The following CTNND2 variants were observed in gnomAD, a reference collection of about 807,000 sequenced individuals.
CTNND2 encodes the protein catenin delta 2.
CTNND2 carries 22 observed loss-of-function variants against 144.4 expected under a neutral mutation model. That is an observed-to-expected ratio of 0.15 (90% confidence interval 0.11 to 0.22). The LOEUF (loss-of-function observed/expected upper bound fraction) is 0.22. Ranked by LOEUF, CTNND2 falls within the 10% of genes least tolerant of loss-of-function variation. CTNND2 has a pLI of 1.00. For missense variants in CTNND2, 1,353 were observed against 1,618.8 expected (o/e 0.84, Z 2.82); for synonymous variants, 751 against 695.6 (o/e 1.08, Z -1.25).
chr5:11,565,372 G>A (rs958240484), intron 2 of CTNND2, among the ~76,000 whole-genome samples: 10 of 152,128 alleles, frequency 6.6e-5, no homozygotes, highest in Non-Finnish European at 1.5e-4. Context: ...TTTGGCAGAC[G>A]GTCAGCACCC....
chr5:11,344,397 A>G (rs1754568414), intron 9 of CTNND2, among the ~76,000 whole-genome samples: 1 of 152,132 alleles, frequency 6.6e-6, no homozygotes, highest in Non-Finnish European at 1.5e-5. Context: ...GTCTCAAAAA[A>G]AAAAAAAACA....
At chr5:11,180,103 G>C (rs887350143) in intron 11 of CTNND2, among the ~76,000 whole-genome samples, 1 of 152,154 alleles carries the variant, frequency 6.6e-6, no homozygotes, top group South Asian at 2.1e-4. Flanking sequence ...CATGTGTTGA[G>C]GGAGGGACCT....
chr5:11,075,718 C>T lies in CTNND2; in HGVS notation c.2788+6978G>A, dbSNP rs376453917. Reference sequence around the variant, plus strand: ...ATGCGGTGGCCCCGCCAACAGGAACCTTTGGCAGTGATTGAATCACACACA... The same window carrying T: ...ATGCGGTGGCCCCGCCAACAGGAACTTTTGGCAGTGATTGAATCACACACA... On this transcript the variant is annotated intron_variant, in intron 16 of 21. Transcript: ENST00000304623. Among the ~76,000 whole-genome samples, 23 of 152,382 alleles carry T rather than the reference C, an allele frequency of 1.5e-4. No individual in the cohort carries two copies. In the South Asian group the frequency reaches 4.6e-3, roughly 30 times the overall value.
intron 2 of CTNND2, among the ~76,000 whole-genome samples, chr5:11,625,016 TTTTTGAAAAACTAAACACC>T (rs1322356123): frequency 6.6e-6 from 1 of 152,008 alleles, no homozygotes. Flanking sequence ...AAACAAAGTA[TTTTTGAAAAACTAAACACC>T]CTTCAACAAT....
At chr5:11,086,249 G>A (rs1750128057) in intron 15 of CTNND2, among the ~76,000 whole-genome samples, 1 of 152,108 alleles carries the variant, frequency 6.6e-6, no homozygotes, top group Non-Finnish European at 1.5e-5. Flanking sequence ...GCAGGTGTGG[G>A]CCAAGACAGG....
chr5:11,207,227 G>A lies in CTNND2; in HGVS notation c.1762-7566C>T, dbSNP rs1229498371. ...CAGGGAGGGGAACATCACACACTGGGGCCTGTTGGGGGGTGTGGGGCTTGC... is the reference window on the plus strand; with the variant it reads ...CAGGGAGGGGAACATCACACACTGGAGCCTGTTGGGGGGTGTGGGGCTTGC... On this transcript the variant is annotated intron_variant, in intron 10 of 21. Transcript: ENST00000304623. 2.0e-5 allele frequency among the ~76,000 whole-genome samples: 3 copies of A among 151,988 alleles called. 1 individual carries two copies. Among genetic ancestry groups the A allele is most frequent in the African/African-American group, 7.3e-5 (3 of 41,350 alleles).
intron 2 of CTNND2, among the ~76,000 whole-genome samples, chr5:11,622,242 A>G: frequency 6.6e-6 from 1 of 152,184 alleles, no homozygotes; most frequent in East Asian, 1.9e-4. Flanking sequence ...GTAGAAGTTT[A>G]TAATGAATAG....
At chr5:11,889,118 G>A (rs1313682853) in intron 1 of CTNND2, among the ~76,000 whole-genome samples, 1 of 152,018 alleles carries the variant, frequency 6.6e-6, no homozygotes, top group East Asian at 1.9e-4. Flanking sequence ...TCAGATGAAG[G>A]CCCCTTTTCC....
At chr5:11,675,729 CATATATGTGTGTGTAT>C (rs938356152) in intron 2 of CTNND2, among the ~76,000 whole-genome samples, 7 of 151,886 alleles carry the variant, frequency 4.6e-5, no homozygotes, top group East Asian at 1.9e-4. Context: ...TATTACATCA[CATATATGTGTGTGTAT>C]ATATATGTGT....
chr5:11,213,330 G>A (rs61751767), intron 10 of CTNND2, among the ~76,000 whole-genome samples: 1,538 of 152,148 alleles, frequency 0.01, 88 homozygotes, highest in Admixed American at 0.084. Flanking sequence ...GGAGCTCCCC[G>A]AGGAGTCTGC....
At chr5:11,109,474 C>G (rs182172317) in intron 14 of CTNND2, among the ~76,000 whole-genome samples, 38 of 152,160 alleles carry the variant, frequency 2.5e-4, no homozygotes, top group African/African-American at 7.7e-4. Flanking sequence ...AACACCAATG[C>G]CAAAGGTAAG....
chr5:11,370,175 T>C (rs926014064), intron 7 of CTNND2, among the ~76,000 whole-genome samples: 22 of 146,926 alleles, frequency 1.5e-4, no homozygotes, highest in African/African-American at 5.4e-4. Context: ...CTACTTGGGT[T>C]TTTTTTTTTT....
intron 19 of CTNND2, among the ~76,000 whole-genome samples, chr5:10,990,207 G>A (rs1259358801): frequency 6.6e-6 from 1 of 152,246 alleles, no homozygotes; most frequent in African/African-American, 2.4e-5. Flanking sequence ...TGCTGTGAGG[G>A]AAGAGAGGTT....
At chr5:11,134,165 G>A (rs558705970) in intron 12 of CTNND2, among the ~76,000 whole-genome samples, 14 of 152,296 alleles carry the variant, frequency 9.2e-5, no homozygotes, top group Non-Finnish European at 2.1e-4. Flanking sequence ...TAGAGGTAGT[G>A]GGGCTACTCA....
At chr5:11,424,525 G>C (rs776790203) in intron 3 of CTNND2, among the ~76,000 whole-genome samples, 1 of 152,042 alleles carries the variant, frequency 6.6e-6, no homozygotes, top group Non-Finnish European at 1.5e-5. Context: ...GTTGGTTGTA[G>C]CAATGTTGAT....
chr5:11,120,556 G>A (rs866641414), intron 12 of CTNND2, among the ~76,000 whole-genome samples: 4 of 61,922 alleles, frequency 6.5e-5, no homozygotes, highest in South Asian at 6.3e-4. Context: ...CATACTGTCC[G>A]CAGGGGTGAT....
intron 12 of CTNND2, among the ~76,000 whole-genome samples, chr5:11,146,217 T>C (rs377165540): frequency 6.6e-6 from 1 of 152,234 alleles, no homozygotes; most frequent in South Asian, 2.1e-4. Context: ...ATTCAAGATA[T>C]GTTTGTGTGC....
chr5:11,772,650 C>A (rs1418389350), intron 1 of CTNND2, among the ~76,000 whole-genome samples: 1 of 152,142 alleles, frequency 6.6e-6, no homozygotes, highest in Non-Finnish European at 1.5e-5. Context: ...CTTTTAATTT[C>A]AGAGGAGCAG....
At chr5:11,475,858 G>GT (rs1767678174) in intron 3 of CTNND2, among the ~76,000 whole-genome samples, 1 of 151,918 alleles carries the variant, frequency 6.6e-6, no homozygotes. Flanking sequence ...TGTTTTGTTT[G>GT]TTTGTTTGTT....
Sources: allele counts gnomAD v4.1 joint callset (sites outside exome capture counted in the v4.1 genomes callset), GRCh38; gene constraint gnomAD v4.1.1; transcripts MANE v1.5; gene names NCBI Gene and HGNC (gene_info 2026-07-23, HGNC 2026-07-21).